MFAP5: variants seen among roughly 807,000 people sequenced by gnomAD.
MFAP5 encodes microfibril associated protein 5.
MFAP5 carries 19 observed loss-of-function variants against 30.1 expected under a neutral mutation model. The ratio of observed to expected loss-of-function variants is 0.63; its 90% CI spans 0.44 to 0.93. The LOEUF (loss-of-function observed/expected upper bound fraction) is 0.93. Ranked by LOEUF, MFAP5 falls within the 40% of genes least tolerant of loss-of-function variation. MFAP5 has a pLI of 0.00. For synonymous variants in MFAP5, 92 were observed against 72.9 expected (o/e 1.26, Z -1.33); for missense variants, 210 against 221.3 (o/e 0.95, Z 0.32).
rs767668033 is a variant in MFAP5, at chr12:8,655,775, G to A, written c.139+11C>T. ...ACAGCAAACAAACAAACAAACAAAA[G>A]TGTAGCTTACTAGGATCTTCTGTGA... On this transcript the variant is annotated intron_variant, in intron 4 of 9. Transcript: ENST00000359478. 3.1e-6 allele frequency: 5 copies of A among 1,608,584 alleles called. No homozygotes were observed. Among genetic ancestry groups the A allele is most frequent in the Non-Finnish European group, 4.2e-6 (5 of 1,178,814 alleles).
Position 8,654,484 on chromosome 12 carries a change from G to A in MFAP5, c.173-3C>T, listed in dbSNP as rs1565525017. 6.2e-7 allele frequency: 1 copy of A among 1,602,852 alleles called. No individual in the cohort carries two copies. Among genetic ancestry groups the A allele is most frequent in the South Asian group, 1.1e-5 (1 of 88,578 alleles). On this transcript the variant is annotated splice_polypyrimidine_tract_variant and splice_region_variant and intron_variant, in intron 5 of 9. Coordinates refer to ENST00000359478, the MANE Select transcript of MFAP5 (RefSeq NM_003480.4). ...AATATCAGCCAAAACAGCCAAAACT[G>A]AAAAGGCACAAAACAGCAGGTATGA...
At position 8,649,482 on chromosome 12, in the gene MFAP5, C is replaced by G; in HGVS notation, c.409+19G>C. The G allele has an allele frequency of 1.2e-6, 2 of 1,608,854 alleles. No individual in the cohort carries two copies. Among genetic ancestry groups the G allele is most frequent in the South Asian group, 2.2e-5 (2 of 90,976 alleles). On this transcript the variant is annotated intron_variant, in intron 9 of 9. Coordinates refer to ENST00000359478, the MANE Select transcript of MFAP5 (RefSeq NM_003480.4). ...CTCATAACTGCTTCTCTCCATTAAACATCCAGACATCATCTTACCTTTCAT... is the reference window on the plus strand; with the variant it reads ...CTCATAACTGCTTCTCTCCATTAAAGATCCAGACATCATCTTACCTTTCAT...
At chr12:8,662,149 G>T (rs746855190) in intron 1 of MFAP5, 43 bp from the exon 2 acceptor site, 124 of 1,548,566 alleles carry the variant, frequency 8.0e-5, no homozygotes, top group South Asian at 1.6e-4. Context: ...ATGCTCAGAG[G>T]CACATCAGCA....
At chr12:8,655,587 T>A in intron 4 of MFAP5, 140 bp from the exon 5 acceptor site, 2 of 1,016,566 alleles carry the variant, frequency 2.0e-6, no homozygotes, top group Non-Finnish European at 2.9e-6. Context: ...TGAGGGACTA[T>A]CGCAGAAAGA....
In MFAP5 at chr12:8,647,991, A is replaced by C; in HGVS notation, c.*100T>G. The stretch of plus-strand genomic sequence containing the variant: ...CTGGACATTGCAAAAGGATTGGTTT[A>C]AGAAATACTGTCTAAGGGTTAGCTG... On this transcript the variant is annotated 3_prime_UTR_variant, in exon 10 of 10. Transcript: ENST00000359478. 1.2e-6 allele frequency: 1 copy of C among 837,206 alleles called. No individual in the cohort carries two copies. The highest frequency in any genetic ancestry group is 1.9e-6 in the Non-Finnish European group (1 of 539,056). 51.9% of individuals were successfully genotyped at this position (837,206 alleles called of 1,614,324 possible).
chr12:8,657,225 G>C (rs1415959932), intron 3 of MFAP5, among the ~76,000 whole-genome samples: 1 of 152,058 alleles, frequency 6.6e-6, no homozygotes, highest in Non-Finnish European at 1.5e-5. Flanking sequence ...AGAGACCACT[G>C]GTTTTAGGAA....
chr12:8,651,445 G>A (rs888949231), intron 7 of MFAP5, among the ~76,000 whole-genome samples: 5 of 152,108 alleles, frequency 3.3e-5, no homozygotes, highest in African/African-American at 4.8e-5. Flanking sequence ...GCTATTTGGG[G>A]ACCATGCAAC....
Position 8,647,996 on chromosome 12 carries a change from A to T in MFAP5, c.*95T>A. On this transcript the variant is annotated 3_prime_UTR_variant, in exon 10 of 10. Coordinates refer to ENST00000359478, the MANE Select transcript of MFAP5 (RefSeq NM_003480.4). ...CATTGCAAAAGGATTGGTTTAAGAA[A>T]TACTGTCTAAGGGTTAGCTGTCAAT... is the stretch of plus-strand genomic sequence containing the variant. The T allele has an allele frequency of 1.1e-6, 1 of 877,682 alleles. No individual in the cohort carries two copies. Among genetic ancestry groups the T allele is most frequent in the Non-Finnish European group, 1.7e-6 (1 of 572,556 alleles). 54.4% of individuals were successfully genotyped at this position (877,682 alleles called of 1,614,324 possible). A position where few individuals can be genotyped will look rare whatever the true frequency, so the allele number is the denominator to read the frequency against.
At chr12:8,654,837 A>T (rs893239734) in intron 5 of MFAP5, among the ~76,000 whole-genome samples, 22 of 151,412 alleles carry the variant, frequency 1.5e-4, no homozygotes, top group Non-Finnish European at 1.8e-4. Flanking sequence ...GCTACTCAGG[A>T]GGCTGAGGCA....
At chr12:8,651,740 ACTT>A in intron 6 of MFAP5, 49 bp from the exon 7 acceptor site, 2 of 1,546,330 alleles carry the variant, frequency 1.3e-6, no homozygotes, top group Non-Finnish European at 1.8e-6. Flanking sequence ...AGAAGTTACT[ACTT>A]CTGTAACTGC....
Position 8,646,259 on chromosome 12 carries a change from A to T in MFAP5, c.*1832T>A, listed in dbSNP as rs912029882. 6.6e-6 allele frequency: 1 copy of T among 152,216 alleles called. No individual in the cohort carries two copies. The allele number at this position is 152,216 out of a possible 1,614,324, so 9.4% of individuals were successfully genotyped here. On this transcript the variant is annotated 3_prime_UTR_variant, in exon 10 of 10. Coordinates refer to ENST00000359478, the MANE Select transcript of MFAP5 (RefSeq NM_003480.4). ...GTAGCATTTTTTTAAAATCAGTTGTACAGATCCCATTAAACGAAATTGTTT... is the reference window on the plus strand; with the variant it reads ...GTAGCATTTTTTTAAAATCAGTTGTTCAGATCCCATTAAACGAAATTGTTT...
intron 6 of MFAP5, among the ~76,000 whole-genome samples, chr12:8,653,062 G>GCAT (rs921975619): frequency 1.3e-5 from 2 of 151,842 alleles, no homozygotes; most frequent in African/African-American, 4.8e-5. Flanking sequence ...CTTGGTGGTG[G>GCAT]GCGCCTGTAA....
At chr12:8,660,024 A>G (rs117248967) in intron 3 of MFAP5, among the ~76,000 whole-genome samples, 4,060 of 152,202 alleles carry the variant, frequency 0.027, 80 homozygotes, top group Middle Eastern at 0.058. Flanking sequence ...TTCTTCATGA[A>G]GTCGAAGGAA....
intron 2 of MFAP5, 143 bp from the exon 3 acceptor site, chr12:8,661,041 A>G (rs952542650): frequency 1.2e-5 from 7 of 595,280 alleles, no homozygotes; most frequent in African/African-American, 5.5e-5. Flanking sequence ...ATATAAAATT[A>G]CTGAGACCAT....
chr12:8,653,169 G>A (rs1241947914), intron 6 of MFAP5, among the ~76,000 whole-genome samples: 1 of 148,624 alleles, frequency 6.7e-6, no homozygotes, highest in Non-Finnish European at 1.5e-5. Context: ...TCCAGCCTGG[G>A]CAACAAGACC....
intron 3 of MFAP5, among the ~76,000 whole-genome samples, chr12:8,656,645 CACACAT>C (rs1179753754): frequency 8.8e-5 from 10 of 113,350 alleles, no homozygotes; most frequent in Non-Finnish European, 1.9e-4. Context: ...CACACACACA[CACACAT>C]ATATATATAT....
intron 6 of MFAP5, 61 bp from the exon 7 acceptor site, chr12:8,651,752 G>T: frequency 1.4e-6 from 2 of 1,476,136 alleles, no homozygotes; most frequent in Non-Finnish European, 1.9e-6. Context: ...TTCTGTAACT[G>T]CCACACTGCC....
intron 8 of MFAP5, among the ~76,000 whole-genome samples, chr12:8,650,225 G>T (rs1157293439): frequency 2.0e-5 from 3 of 152,028 alleles, no homozygotes; most frequent in African/African-American, 7.2e-5. Context: ...CTTCTATCAG[G>T]TAATAAATTG....
At chr12:8,651,134 T>C (rs971967779) in intron 7 of MFAP5, among the ~76,000 whole-genome samples, 2 of 152,008 alleles carry the variant, frequency 1.3e-5, no homozygotes, top group African/African-American at 4.8e-5. Flanking sequence ...GCCACTGCAC[T>C]CCAGCCTGGG....
Sources: allele counts gnomAD v4.1 joint callset (sites outside exome capture counted in the v4.1 genomes callset), GRCh38; gene constraint gnomAD v4.1.1; transcripts MANE v1.5; gene names NCBI Gene and HGNC (gene_info 2026-07-23, HGNC 2026-07-21).